EXOC4: variants seen among roughly 807,000 people sequenced by gnomAD.
The protein encoded by EXOC4 is exocyst complex component 4, also known as SEC8-like 1.
A neutral mutation model predicts 107.2 loss-of-function variants in EXOC4; 71 were observed. That is an observed-to-expected ratio of 0.66 (90% CI 0.55 to 0.81). EXOC4 has a LOEUF of 0.81. Among genes scored for constraint, EXOC4 ranks in the 30% least tolerant of loss-of-function variants. The probability of loss-of-function intolerance (pLI) is 0.00; values close to 1 mark genes in which losing one functional copy is unlikely to be tolerated. For synonymous variants in EXOC4, 456 were observed against 441.2 expected (o/e 1.03, Z -0.42); for missense variants, 1,108 against 1,189.6 (o/e 0.93, Z 1.01).
At chr7:133,408,170 A>T (rs1797267443) in intron 7 of EXOC4, among the ~76,000 whole-genome samples, 1 of 149,754 alleles carries the variant, frequency 6.7e-6, no homozygotes, top group Non-Finnish European at 1.5e-5. Flanking sequence ...GGTGGTAGTG[A>T]TGATGGAGGT....
At chr7:133,734,495 A>C (rs1055516321) in intron 10 of EXOC4, among the ~76,000 whole-genome samples, 1 of 146,998 alleles carries the variant, frequency 6.8e-6, no homozygotes, top group Non-Finnish European at 1.5e-5. Flanking sequence ...TGTTTCTGTT[A>C]GATTCCATTT....
intron 17 of EXOC4, among the ~76,000 whole-genome samples, chr7:134,022,686 AAG>A (rs1163080723): frequency 2.6e-5 from 4 of 152,184 alleles, no homozygotes; most frequent in Non-Finnish European, 4.4e-5. Flanking sequence ...CACCTGGACA[AAG>A]AGAGAGAAAT....
intron 11 of EXOC4, among the ~76,000 whole-genome samples, chr7:133,864,202 T>G (rs1322829524): frequency 6.6e-6 from 1 of 152,220 alleles, no homozygotes; most frequent in Non-Finnish European, 1.5e-5. Context: ...TATGTGGAAA[T>G]TGATGTTAAT....
intron 10 of EXOC4, among the ~76,000 whole-genome samples, chr7:133,793,069 G>T (rs1313777876): frequency 6.6e-6 from 1 of 152,084 alleles, no homozygotes; most frequent in African/African-American, 2.4e-5. Context: ...TTCGTTACCT[G>T]TGAAAATAAG....
intron 14 of EXOC4, among the ~76,000 whole-genome samples, chr7:133,950,361 A>T (rs1020646577): frequency 1.2e-4 from 18 of 152,202 alleles, no homozygotes; most frequent in Non-Finnish European, 2.2e-4. Context: ...TTAAGCCTGA[A>T]AAAATTCTAC....
At chr7:133,428,763 A>T (rs1460339569) in intron 7 of EXOC4, among the ~76,000 whole-genome samples, 1 of 152,200 alleles carries the variant, frequency 6.6e-6, no homozygotes, top group African/African-American at 2.4e-5. Flanking sequence ...TGCCACAAAC[A>T]TCTGTTGCTG....
rs1282090852 is a variant in EXOC4 at position 133,576,316 on chromosome 7, A to G, written c.1418-53729A>G. Reference sequence around the variant, plus strand: ...TATGGCCTAGAATGATAATATTAGGATCTGTGTTGGTTGAGATAATTGGCA... The same window carrying G: ...TATGGCCTAGAATGATAATATTAGGGTCTGTGTTGGTTGAGATAATTGGCA... On this transcript the variant is annotated intron_variant, in intron 9 of 17. Transcript: ENST00000253861. 3.0e-5 allele frequency: 12 copies of G among 401,700 alleles called. No homozygotes were observed. In the East Asian group the frequency reaches 8.1e-4, roughly 27 times the overall value. The allele number at this position is 401,700 out of a possible 1,614,324, so 24.9% of individuals were successfully genotyped here.
intron 11 of EXOC4, among the ~76,000 whole-genome samples, chr7:133,878,200 A>T (rs771360387): frequency 6.6e-6 from 1 of 152,220 alleles, no homozygotes; most frequent in Non-Finnish European, 1.5e-5. Context: ...TATTTCTAAT[A>T]TGTAGTCAAT....
intron 9 of EXOC4, among the ~76,000 whole-genome samples, chr7:133,629,180 G>T (rs1340265295): frequency 1.3e-5 from 2 of 152,070 alleles, no homozygotes; most frequent in East Asian, 1.9e-4. Flanking sequence ...AACATTCCAA[G>T]AAAGCATTAT....
chr7:133,494,156 G>C (rs1280159543), intron 9 of EXOC4, among the ~76,000 whole-genome samples: 1 of 152,130 alleles, frequency 6.6e-6, no homozygotes, highest in Non-Finnish European at 1.5e-5. Context: ...TCCTTTAACG[G>C]ATTGGGTAAT....
At chr7:133,837,909 CT>C (rs1797950331) in intron 11 of EXOC4, among the ~76,000 whole-genome samples, 1 of 152,154 alleles carries the variant, frequency 6.6e-6, no homozygotes, top group African/African-American at 2.4e-5. Flanking sequence ...GGCTTTGCAA[CT>C]TTAAGAGGAA....
At chr7:133,357,930 A>G (rs1441725291) in intron 6 of EXOC4, among the ~76,000 whole-genome samples, 1 of 152,154 alleles carries the variant, frequency 6.6e-6, no homozygotes, top group Non-Finnish European at 1.5e-5. Context: ...GCTCATGCCT[A>G]TAATCCCAGC....
chr7:133,611,555 GC>G (rs1802076842), intron 9 of EXOC4, among the ~76,000 whole-genome samples: 1 of 152,032 alleles, frequency 6.6e-6, no homozygotes, highest in Admixed American at 6.6e-5. Context: ...GATCTGGTCT[GC>G]CTACCTCCCT....
intron 9 of EXOC4, among the ~76,000 whole-genome samples, chr7:133,610,561 CT>C (rs1254294401): frequency 6.6e-6 from 1 of 152,080 alleles, no homozygotes; most frequent in Non-Finnish European, 1.5e-5. Context: ...TCACAAGATA[CT>C]AATCATATTC....
At chr7:133,936,236 C>T (rs1302019832) in intron 13 of EXOC4, among the ~76,000 whole-genome samples, 4 of 152,142 alleles carry the variant, frequency 2.6e-5, no homozygotes, top group Admixed American at 6.6e-5. Context: ...TCAACTGTGA[C>T]GTTTCCTTTA....
At chr7:133,840,494 TTTTATTTATTTA>T (rs200907309) in intron 11 of EXOC4, among the ~76,000 whole-genome samples, 19 of 151,302 alleles carry the variant, frequency 1.3e-4, no homozygotes, top group Admixed American at 6.6e-4. Context: ...TTTTATTGTA[TTTTATTTATTTA>T]TTTATTTATT....
At chr7:133,908,633 C>T (rs1799621519) in intron 12 of EXOC4, among the ~76,000 whole-genome samples, 1 of 152,190 alleles carries the variant, frequency 6.6e-6, no homozygotes, top group African/African-American at 2.4e-5. Context: ...ATAATAGTAC[C>T]TACCACGCAG....
intron 10 of EXOC4, among the ~76,000 whole-genome samples, chr7:133,679,456 G>T (rs1287807307): frequency 2.6e-5 from 4 of 152,048 alleles, no homozygotes; most frequent in African/African-American, 9.7e-5. Flanking sequence ...CCTCATGGTG[G>T]AAGTCCACTA....
At chr7:133,669,267 G>T (rs1793892813) in intron 10 of EXOC4, among the ~76,000 whole-genome samples, 1 of 152,042 alleles carries the variant, frequency 6.6e-6, no homozygotes, top group Non-Finnish European at 1.5e-5. Flanking sequence ...GCCGCGGGAT[G>T]TAAGGAAAAG....
Sources: gnomAD v4.1 joint callset for allele counts (sites outside exome capture counted in the v4.1 genomes callset) on GRCh38, gnomAD v4.1.1 for gene constraint, MANE v1.5 for transcripts, NCBI Gene and HGNC (gene_info 2026-07-23, HGNC 2026-07-21) for gene names.